The following ERC1 variants were observed in gnomAD, a reference collection of about 807,000 sequenced individuals.
The protein encoded by ERC1 is RAB6 interacting protein 2.
ERC1 carries 56 observed loss-of-function variants against 132.0 expected under a neutral mutation model. The ratio of observed to expected loss-of-function variants is 0.42; its 90% CI spans 0.34 to 0.53. The LOEUF (loss-of-function observed/expected upper bound fraction) is 0.53, where lower values mean the gene tolerates loss of function less well. Among genes scored for constraint, ERC1 ranks in the 20% least tolerant of loss-of-function variants. The pLI is 0.03. For missense variants in ERC1, 1,202 were observed against 1,349.9 expected, an observed-to-expected ratio of 0.89 and a Z score of 1.72; for synonymous variants, 478 against 476.1, an observed-to-expected ratio of 1.00 and a Z score of -0.05.
chr12:1,014,700 A>G (rs767060474), intron 1 of ERC1, among the ~76,000 whole-genome samples: 117 of 152,090 alleles, frequency 7.7e-4, no homozygotes, highest in Non-Finnish European at 1.4e-3. Flanking sequence ...CCACTTCACA[A>G]TATGTTTTTG....
chr12:1,290,496 T>A (rs2079367021), intron 15 of ERC1, among the ~76,000 whole-genome samples: 1 of 152,246 alleles, frequency 6.6e-6, no homozygotes. Context: ...AAATTGTCAC[T>A]TTTAGCAGAG....
chr12:1,288,945 C>A (rs985408496), intron 14 of ERC1, among the ~76,000 whole-genome samples: 2 of 150,906 alleles, frequency 1.3e-5, no homozygotes, highest in Admixed American at 6.6e-5. Context: ...CTCTTAGTTT[C>A]TTTTCCTTAT....
chr12:1,083,653 C>T (rs894413317), intron 3 of ERC1, 73 bp downstream of exon 3: 14 of 1,190,358 alleles, frequency 1.2e-5, no homozygotes, highest in Non-Finnish European at 1.7e-5. Flanking sequence ...GCATCTTGGC[C>T]CCAGTGAATC....
At chr12:1,198,933 G>C (rs563907734) in intron 12 of ERC1, among the ~76,000 whole-genome samples, 124 of 146,254 alleles carry the variant, frequency 8.5e-4, no homozygotes, top group African/African-American at 3.3e-3. Context: ...CCAACACTGG[G>C]GATCACAGTT....
At chr12:1,420,314 C>T (rs765820893) in intron 17 of ERC1, among the ~76,000 whole-genome samples, 7 of 152,018 alleles carry the variant, frequency 4.6e-5, no homozygotes, top group Non-Finnish European at 1.0e-4. Context: ...TGGAGACCAT[C>T]TTTTAGAAAT....
At chr12:1,487,784 GAAGAAAAGAAGGA>G (rs1346886740) in intron 18 of ERC1, among the ~76,000 whole-genome samples, 2 of 141,114 alleles carry the variant, frequency 1.4e-5, no homozygotes, top group East Asian at 4.0e-4. Flanking sequence ...AGGGAGGAAG[GAAGAAAAGAAGGA>G]AAGAAAAGAA....
Position 1,239,837 on chromosome 12 carries a change from G to A in ERC1, c.2487+2933G>A, listed in dbSNP as rs140627082. Among the ~76,000 whole-genome samples, 678 of 152,306 alleles carry A rather than the reference G, an allele frequency of 4.5e-3. 5 individuals are homozygous for A. Among genetic ancestry groups the A allele is most frequent in the Admixed American group, 8.1e-3 (124 of 15,304 alleles). On this transcript the variant is annotated intron_variant, in intron 13 of 18. Transcript: ENST00000360905. ...ATTAGTGGTTCTCAAACTTGTGTGCGTTGGAGTTACATGGAGGGCTATTAG... is the reference window on the plus strand; with the variant it reads ...ATTAGTGGTTCTCAAACTTGTGTGCATTGGAGTTACATGGAGGGCTATTAG...
At chr12:1,239,531 G>A (rs987276683) in intron 13 of ERC1, among the ~76,000 whole-genome samples, 1 of 152,138 alleles carries the variant, frequency 6.6e-6, no homozygotes, top group African/African-American at 2.4e-5. Context: ...AGACCAGCCT[G>A]AGCAACATAG....
At chr12:1,460,981 T>TA (rs61029874) in intron 18 of ERC1, among the ~76,000 whole-genome samples, 1 of 137,834 alleles carries the variant, frequency 7.3e-6, no homozygotes, top group African/African-American at 2.9e-5. Context: ...TTTTTTTTTT[T>TA]CATTTTTCTA....
intron 14 of ERC1, among the ~76,000 whole-genome samples, chr12:1,267,659 G>T (rs1423979490): frequency 1.3e-5 from 2 of 152,144 alleles, no homozygotes; most frequent in Non-Finnish European, 2.9e-5. Flanking sequence ...CTACTTGAGG[G>T]ACTGAGGTGA....
At chr12:1,362,531 T>C (rs1381197335) in intron 15 of ERC1, among the ~76,000 whole-genome samples, 1 of 152,194 alleles carries the variant, frequency 6.6e-6, no homozygotes, top group Non-Finnish European at 1.5e-5. Context: ...CATAGGGTAA[T>C]TTGTATCTTC....
chr12:1,297,220 C>T (rs985430144), intron 15 of ERC1, among the ~76,000 whole-genome samples: 3 of 149,922 alleles, frequency 2.0e-5, no homozygotes, highest in Non-Finnish European at 3.0e-5. Context: ...AAAAAATTAG[C>T]CTAAAATTCT....
At chr12:1,165,951 C>T (rs533719801) in intron 8 of ERC1, among the ~76,000 whole-genome samples, 1 of 152,142 alleles carries the variant, frequency 6.6e-6, no homozygotes, top group Non-Finnish European at 1.5e-5. Context: ...CAATTACAAC[C>T]CCTCATCCTC....
At chr12:1,016,006 A>C (rs1965444995) in intron 1 of ERC1, among the ~76,000 whole-genome samples, 1 of 151,500 alleles carries the variant, frequency 6.6e-6, no homozygotes, top group Non-Finnish European at 1.5e-5. Context: ...ATCAGGTTGG[A>C]CTAGTAATTT....
At chr12:1,263,957 T>G (rs2077308468) in intron 14 of ERC1, among the ~76,000 whole-genome samples, 2 of 151,634 alleles carry the variant, frequency 1.3e-5, no homozygotes, top group Non-Finnish European at 1.5e-5. Flanking sequence ...CCCAAAGTGC[T>G]GGGATTACAG....
chr12:1,231,053 A>C (rs1484391308), intron 12 of ERC1, among the ~76,000 whole-genome samples: 1 of 152,120 alleles, frequency 6.6e-6, no homozygotes, highest in Non-Finnish European at 1.5e-5. Flanking sequence ...TAATCCATTT[A>C]AAGTAATTAT....
At chr12:1,185,375 T>C (rs1046249130) in intron 11 of ERC1, among the ~76,000 whole-genome samples, 7 of 152,284 alleles carry the variant, frequency 4.6e-5, no homozygotes, top group African/African-American at 9.6e-5. Flanking sequence ...CTTTTTTTTT[T>C]CCCTTGTAGA....
intron 2 of ERC1, among the ~76,000 whole-genome samples, chr12:1,057,418 G>A (rs57706669): frequency 0.019 from 2,827 of 152,012 alleles, 77 homozygotes; most frequent in African/African-American, 0.065. Flanking sequence ...GAGCCACTGC[G>A]CCCAGCCTGT....
At chr12:1,254,469 CTAA>C (rs2154317492) in intron 13 of ERC1, among the ~76,000 whole-genome samples, 1 of 152,226 alleles carries the variant, frequency 6.6e-6, no homozygotes, top group Non-Finnish European at 1.5e-5. Flanking sequence ...TGGCACCAAC[CTAA>C]TAATTCCCCT....
Sources: allele counts gnomAD v4.1 joint callset (sites outside exome capture counted in the v4.1 genomes callset), GRCh38; gene constraint gnomAD v4.1.1; transcripts MANE v1.5; gene names NCBI Gene and HGNC (gene_info 2026-07-23, HGNC 2026-07-21).